The following GPR89B variants were observed in gnomAD, a reference collection of about 807,000 sequenced individuals.
GPR89B encodes golgi pH regulator B, also known as G protein-coupled receptor 89B.
Under a neutral mutation model 52.4 loss-of-function variants are expected in GPR89B, and 25 were observed. The observed-to-expected ratio is 0.48, with a 90% confidence interval of 0.35 to 0.67. GPR89B has a LOEUF of 0.67. Among genes scored for constraint, GPR89B ranks in the 30% least tolerant of loss-of-function variants. The probability of loss-of-function intolerance (pLI) is 0.01; values close to 1 mark genes in which losing one functional copy is unlikely to be tolerated. For synonymous variants in GPR89B, 52 were observed against 151.2 expected (o/e 0.34, Z 4.81); for missense variants, 146 against 450.2 (o/e 0.32, Z 6.11).
At chr1:147,946,456 A>G (rs1319847250) in intron 5 of GPR89B, among the ~76,000 whole-genome samples, 2 of 152,204 alleles carry the variant, frequency 1.3e-5, no homozygotes, top group African/African-American at 4.8e-5. Context: ...CAGCATGCCT[A>G]TGTCAATGGT....
At chr1:147,950,213 C>G (rs1655517608) in intron 5 of GPR89B, among the ~76,000 whole-genome samples, 1 of 150,322 alleles carries the variant, frequency 6.7e-6, no homozygotes, top group South Asian at 2.1e-4. Context: ...CCTCACTTCT[C>G]AGACGGGGCG....
the GPR89B span, among the ~76,000 whole-genome samples, chr1:148,013,733 C>T: frequency 2.6e-5 from 4 of 152,076 alleles, no homozygotes; most frequent in African/African-American, 9.7e-5. Context: ...GAAGGGGTCC[C>T]CTCCTGCCTC....
intron 5 of GPR89B, among the ~76,000 whole-genome samples, chr1:147,945,938 A>G (rs1558040237): frequency 6.6e-6 from 1 of 151,924 alleles, no homozygotes; most frequent in African/African-American, 2.4e-5. Context: ...GTTGCTCAGG[A>G]TGGTCTCGAA....
chr1:148,005,637 G>A, the GPR89B span: 1 of 1,051,590 alleles, frequency 9.5e-7, no homozygotes, highest in East Asian at 2.5e-5. Context: ...TTCATTTACT[G>A]TCCCTAGTCT....
chr1:147,999,040 G>A, the GPR89B span, among the ~76,000 whole-genome samples: 419 of 151,966 alleles, frequency 2.8e-3, 13 homozygotes, highest in East Asian at 0.044. Flanking sequence ...TTTGGAGAGC[G>A]GGGAAGGAGG....
chr1:147,957,792 C>T (rs1656228099), intron 7 of GPR89B, among the ~76,000 whole-genome samples: 2 of 152,030 alleles, frequency 1.3e-5, no homozygotes, highest in African/African-American at 2.4e-5. Flanking sequence ...AGGCCAGGCG[C>T]AGTGGCTCAC....
At chr1:147,950,622 C>T (rs1336730992) in intron 5 of GPR89B, among the ~76,000 whole-genome samples, 1 of 152,176 alleles carries the variant, frequency 6.6e-6, no homozygotes, top group Non-Finnish European at 1.5e-5. Flanking sequence ...GATCACGCCG[C>T]TGCACTCCAG....
At chr1:147,943,844 A>C in intron 4 of GPR89B, 153 bp from the exon 5 acceptor site, 2 of 795,716 alleles carry the variant, frequency 2.5e-6, no homozygotes, top group Non-Finnish European at 3.9e-6. Context: ...TACGATGGTA[A>C]GGATGCTTTC....
At chr1:147,942,947 CAAA>C (rs1381220187) in intron 3 of GPR89B, among the ~76,000 whole-genome samples, 2 of 77,254 alleles carry the variant, frequency 2.6e-5, no homozygotes, top group African/African-American at 1.0e-4. Context: ...AAAGTGCTAA[CAAA>C]AAGTTTTAAT....
chr1:147,940,271 T>C (rs1392349517), intron 3 of GPR89B, among the ~76,000 whole-genome samples: 32 of 151,482 alleles, frequency 2.1e-4, no homozygotes, highest in Middle Eastern at 3.4e-3. Flanking sequence ...GGCATGGTGG[T>C]GGGCGCCTGT....
At chr1:147,931,218 C>T (rs1305833433) in intron 1 of GPR89B, among the ~76,000 whole-genome samples, 1 of 151,634 alleles carries the variant, frequency 6.6e-6, no homozygotes, top group African/African-American at 2.4e-5. Flanking sequence ...ATAGTTAATT[C>T]TTTAATAACT....
chr1:147,965,787 G>C (rs1166117387), intron 7 of GPR89B, among the ~76,000 whole-genome samples: 1 of 151,908 alleles, frequency 6.6e-6, no homozygotes, highest in Admixed American at 6.6e-5. Context: ...CATGTATTGC[G>C]TTCCAAACTC....
intron 1 of GPR89B, among the ~76,000 whole-genome samples, chr1:147,929,442 C>T (rs1653342749): frequency 6.6e-6 from 1 of 152,030 alleles, no homozygotes; most frequent in African/African-American, 2.4e-5. Context: ...TAGCTGTATC[C>T]CCACTTCCAA....
intron 1 of GPR89B, among the ~76,000 whole-genome samples, chr1:147,933,159 T>G (rs1490268020): frequency 1.7e-4 from 26 of 151,598 alleles, no homozygotes; most frequent in Non-Finnish European, 2.9e-4. Context: ...ACTTGACTGC[T>G]GTCTTTCCCC....
chr1:147,981,724 C>T (rs1474749822), intron 10 of GPR89B, among the ~76,000 whole-genome samples: 1 of 151,818 alleles, frequency 6.6e-6, no homozygotes, highest in African/African-American at 2.4e-5. Flanking sequence ...GTGATCTCAG[C>T]TCACTTCGAC....
chr1:147,984,545 G>T (rs1427645443), intron 10 of GPR89B, among the ~76,000 whole-genome samples: 2 of 149,112 alleles, frequency 1.3e-5, no homozygotes, highest in African/African-American at 5.0e-5. Context: ...TTCTGCTCTG[G>T]TCTTTGTTAT....
intron 7 of GPR89B, among the ~76,000 whole-genome samples, chr1:147,958,063 CAAAAAAGAAAAA>C (rs1656255638): frequency 7.1e-6 from 1 of 141,714 alleles, no homozygotes; most frequent in African/African-American, 2.7e-5. Context: ...GACTCCGTCT[CAAAAAAGAAAAA>C]AAAAAAGAAT....
At chr1:148,017,253 A>G in the GPR89B span, among the ~76,000 whole-genome samples, 8 of 151,426 alleles carry the variant, frequency 5.3e-5, no homozygotes, top group Non-Finnish European at 1.2e-4. Context: ...CGTATTAGCC[A>G]GGATGGTCTC....
intron 5 of GPR89B, among the ~76,000 whole-genome samples, chr1:147,951,918 T>C (rs1655744233): frequency 6.6e-6 from 1 of 151,932 alleles, no homozygotes. Context: ...TGCAGATGTA[T>C]ATTCAATGTT....
Sources: allele counts gnomAD v4.1 joint callset (sites outside exome capture counted in the v4.1 genomes callset), GRCh38; gene constraint gnomAD v4.1.1; transcripts MANE v1.5; gene names NCBI Gene and HGNC (gene_info 2026-07-23, HGNC 2026-07-21).